The following RSPO3 variants were observed in gnomAD, a reference collection of about 807,000 sequenced individuals.
RSPO3 encodes the protein R-spondin-3.
A neutral mutation model predicts 36.5 loss-of-function variants in RSPO3; 17 were observed. The ratio of observed to expected loss-of-function variants is 0.47; its 90% CI spans 0.32 to 0.70. The LOEUF (loss-of-function observed/expected upper bound fraction) is 0.70, where lower values mean the gene tolerates loss of function less well. Ranked by LOEUF, RSPO3 falls within the 30% of genes least tolerant of loss-of-function variation. The pLI, the probability that RSPO3 is intolerant of heterozygous loss-of-function variation, is 0.04. For missense variants in RSPO3, 294 were observed against 322.5 expected, an observed-to-expected ratio of 0.91 and a Z score of 0.68; for synonymous variants, 108 against 107.0, an observed-to-expected ratio of 1.01 and a Z score of -0.06.
At chr6:127,151,041 T>C (rs146424943) in intron 3 of RSPO3, among the ~76,000 whole-genome samples, 156 of 152,024 alleles carry the variant, frequency 1.0e-3, no homozygotes, top group African/African-American at 3.5e-3. Flanking sequence ...AAAGTTATTT[T>C]CCAAGGTGGG....
intron 4 of RSPO3, among the ~76,000 whole-genome samples, chr6:127,181,029 T>C (rs1775174273): frequency 1.3e-5 from 2 of 151,880 alleles, no homozygotes; most frequent in Non-Finnish European, 2.9e-5. Flanking sequence ...TAAAATTTAA[T>C]GTCCCACTTT....
intron 1 of RSPO3, among the ~76,000 whole-genome samples, chr6:127,131,785 T>C (rs1477129065): frequency 2.6e-5 from 4 of 152,136 alleles, no homozygotes; most frequent in African/African-American, 4.8e-5. Flanking sequence ...GTCATTCCTA[T>C]GTATCAAGCA....
rs1773773037 is a variant in RSPO3 at position 127,118,900 on chromosome 6, C to T, written c.-293C>T. On this transcript the variant is annotated 5_prime_UTR_variant, in exon 1 of 5. Coordinates refer to ENST00000356698, the MANE Select transcript of RSPO3 (RefSeq NM_032784.5). ...GCGGCAGTTGCCGCACAACATGCTA[C>T]CTGCGGCCGCCCCGGCGGCTCCTGG... The T allele has an allele frequency of 9.0e-6, 2 of 222,308 alleles. No homozygotes were observed. The highest frequency in any genetic ancestry group is 4.6e-5 in the African/African-American group (2 of 43,880). The allele number at this position is 222,308 out of a possible 1,614,324, so 13.8% of individuals were successfully genotyped here.
chr6:127,178,967 C>A (rs763690236), intron 4 of RSPO3, among the ~76,000 whole-genome samples: 6 of 151,944 alleles, frequency 3.9e-5, no homozygotes, highest in Non-Finnish European at 2.9e-5. Context: ...GTTCTGTAAC[C>A]ACAGTGATGT....
intron 4 of RSPO3, among the ~76,000 whole-genome samples, chr6:127,173,661 A>G (rs1382522333): frequency 2.6e-5 from 4 of 151,888 alleles, no homozygotes; most frequent in Non-Finnish European, 5.9e-5. Context: ...TTCCCACCCC[A>G]GGAGGCTTCT....
intron 4 of RSPO3, among the ~76,000 whole-genome samples, chr6:127,161,834 C>A (rs931140775): frequency 6.6e-5 from 10 of 152,168 alleles, no homozygotes; most frequent in African/African-American, 2.4e-4. Flanking sequence ...CATTCTTCAG[C>A]TCCTAAGCAA....
chr6:127,163,880 A>C (rs1360123053), intron 4 of RSPO3, among the ~76,000 whole-genome samples: 1 of 152,076 alleles, frequency 6.6e-6, no homozygotes, highest in Non-Finnish European at 1.5e-5. Context: ...TTAAACGCAG[A>C]CTGCACTAAG....
intron 4 of RSPO3, among the ~76,000 whole-genome samples, chr6:127,173,127 T>C (rs561215021): frequency 5.9e-4 from 90 of 151,784 alleles, no homozygotes; most frequent in African/African-American, 2.0e-3. Flanking sequence ...ATATTATCAT[T>C]GTTGAAAAAA....
intron 1 of RSPO3, among the ~76,000 whole-genome samples, chr6:127,143,988 A>G (rs551137762): frequency 6.6e-6 from 1 of 152,344 alleles, no homozygotes; most frequent in East Asian, 1.9e-4. Context: ...GAATGGTTGC[A>G]TCAGTTATGT....
intron 4 of RSPO3, among the ~76,000 whole-genome samples, chr6:127,164,195 C>T (rs946386503): frequency 3.3e-5 from 5 of 152,002 alleles, no homozygotes; most frequent in African/African-American, 9.7e-5. Flanking sequence ...GAATTGGGGT[C>T]CTGAGATTGG....
At chr6:127,139,531 T>TA (rs892501296) in intron 1 of RSPO3, among the ~76,000 whole-genome samples, 12 of 137,606 alleles carry the variant, frequency 8.7e-5, no homozygotes, top group African/African-American at 1.9e-4. Context: ...TTTCTAACCT[T>TA]AAAAAAAATA....
chr6:127,179,930 T>C (rs781527701), intron 4 of RSPO3, among the ~76,000 whole-genome samples: 5 of 151,874 alleles, frequency 3.3e-5, no homozygotes, highest in African/African-American at 7.2e-5. Flanking sequence ...ACTCATGTAA[T>C]TAAATGGACC....
chr6:127,179,339 T>C (rs1775133959), intron 4 of RSPO3, among the ~76,000 whole-genome samples: 1 of 151,874 alleles, frequency 6.6e-6, no homozygotes, highest in Non-Finnish European at 1.5e-5. Context: ...GATGCTCCGC[T>C]TCCTTTGATT....
At chr6:127,189,307 C>G (rs1171231173) in intron 4 of RSPO3, among the ~76,000 whole-genome samples, 1 of 151,290 alleles carries the variant, frequency 6.6e-6, no homozygotes, top group Non-Finnish European at 1.5e-5. Context: ...AACAGTAAGT[C>G]TGAGTTAGGG....
chr6:127,127,764 T>C (rs1247620705), intron 1 of RSPO3, among the ~76,000 whole-genome samples: 3 of 152,074 alleles, frequency 2.0e-5, no homozygotes, highest in South Asian at 4.1e-4. Flanking sequence ...CATGGTGCAT[T>C]TTCTAAATTC....
chr6:127,180,712 G>T (rs905982273), intron 4 of RSPO3, among the ~76,000 whole-genome samples: 6 of 151,580 alleles, frequency 4.0e-5, no homozygotes, highest in African/African-American at 1.5e-4. Flanking sequence ...CCAGATTAAG[G>T]CTGTTCTATT....
chr6:127,144,645 T>G lies in RSPO3; in HGVS notation c.98-4003T>G, dbSNP rs1774345607. ...TAATTTTTCAGTAGCTTCCCCTTGTTTTTTTTTTTTTCAGACAGAGTCTCA... is the reference window on the plus strand; with the variant it reads ...TAATTTTTCAGTAGCTTCCCCTTGTGTTTTTTTTTTTCAGACAGAGTCTCA... On this transcript the variant is annotated intron_variant, in intron 1 of 4. Coordinates refer to ENST00000356698, the MANE Select transcript of RSPO3 (RefSeq NM_032784.5). Among the ~76,000 whole-genome samples, 2 of 138,170 alleles carry G rather than the reference T, an allele frequency of 1.4e-5. 1 individual carries two copies. The allele number at this position is 138,170 out of a possible 152,430, so 90.6% of individuals were successfully genotyped here.
intron 1 of RSPO3, among the ~76,000 whole-genome samples, chr6:127,136,603 C>T (rs1008150206): frequency 6.6e-6 from 1 of 152,072 alleles, no homozygotes; most frequent in Non-Finnish European, 1.5e-5. Flanking sequence ...TTGGAATGGG[C>T]AGAACAGGTG....
chr6:127,141,787 A>T (rs1774274875), intron 1 of RSPO3, among the ~76,000 whole-genome samples: 1 of 152,160 alleles, frequency 6.6e-6, no homozygotes, highest in Non-Finnish European at 1.5e-5. Context: ...TGTACTTTTG[A>T]GTTTGACGAA....
Sources: allele counts gnomAD v4.1 joint callset (sites outside exome capture counted in the v4.1 genomes callset), GRCh38; gene constraint gnomAD v4.1.1; transcripts MANE v1.5; gene names NCBI Gene and HGNC (gene_info 2026-07-23, HGNC 2026-07-21).